The following STARD13 variants were observed in gnomAD, a reference collection of about 807,000 sequenced individuals.
The protein encoded by STARD13 is stAR-related lipid transfer protein 13.
A neutral mutation model predicts 106.4 loss-of-function variants in STARD13; 62 were observed. That is an observed-to-expected ratio of 0.58 (90% CI 0.48 to 0.72). STARD13 has a LOEUF of 0.72. Among genes scored for constraint, STARD13 ranks in the 30% least tolerant of loss-of-function variants. The pLI, the probability that STARD13 is intolerant of heterozygous loss-of-function variation, is 0.00. For missense variants in STARD13, 1,387 were observed against 1,424.0 expected (o/e 0.97, Z 0.42); for synonymous variants, 565 against 553.0 (o/e 1.02, Z -0.31).
At chr13:33,422,704 G>C in the STARD13 span, among the ~76,000 whole-genome samples, 3 of 152,152 alleles carry the variant, frequency 2.0e-5, no homozygotes, top group African/African-American at 7.2e-5. Context: ...TTACTACAAG[G>C]CTACAGTAAC....
At chr13:33,339,884 A>C (rs920633640) in intron 1 of STARD13, among the ~76,000 whole-genome samples, 24 of 152,164 alleles carry the variant, frequency 1.6e-4, no homozygotes, top group African/African-American at 5.8e-4. Context: ...CAGGAGTTCA[A>C]GACCAGCGAG....
chr13:33,222,455 TG>T (rs1440927741), intron 1 of STARD13, among the ~76,000 whole-genome samples: 1 of 146,320 alleles, frequency 6.8e-6, no homozygotes, highest in Non-Finnish European at 1.6e-5. Flanking sequence ...GCAAACTTTA[TG>T]TTATGTGTAT....
the STARD13 span, among the ~76,000 whole-genome samples, chr13:33,371,178 C>T: frequency 7.2e-5 from 11 of 152,198 alleles, no homozygotes; most frequent in Non-Finnish European, 1.3e-4. Flanking sequence ...TGTCTACTCT[C>T]ACCCTTACTA....
chr13:33,572,946 C>G, the STARD13 span, among the ~76,000 whole-genome samples: 1 of 152,080 alleles, frequency 6.6e-6, no homozygotes, highest in African/African-American at 2.4e-5. Context: ...AACCAGTTCC[C>G]CTCAGATATC....
chr13:33,131,165 G>A (rs769228375), intron 4 of STARD13, among the ~76,000 whole-genome samples: 11 of 152,188 alleles, frequency 7.2e-5, no homozygotes, highest in South Asian at 2.1e-4. Context: ...TGGGCCCAGC[G>A]CAGACCTTGA....
chr13:33,441,649 T>C, the STARD13 span, among the ~76,000 whole-genome samples: 4 of 152,246 alleles, frequency 2.6e-5, no homozygotes, highest in South Asian at 8.3e-4. Context: ...CTTACGATTA[T>C]TAACTTTTTC....
the STARD13 span, chr13:33,611,037 C>A: frequency 6.6e-6 from 1 of 152,232 alleles, no homozygotes; most frequent in Admixed American, 6.5e-5. Flanking sequence ...TTCGGTGAAA[C>A]AGCAACATCC....
intron 2 of STARD13, among the ~76,000 whole-genome samples, chr13:33,166,545 C>T (rs1037079008): frequency 8.5e-5 from 13 of 152,166 alleles, no homozygotes; most frequent in Admixed American, 8.5e-4. Context: ...CTGTTAGAAA[C>T]AAATCCTCTG....
At chr13:33,171,894 C>T (rs1884004672) in intron 1 of STARD13, among the ~76,000 whole-genome samples, 1 of 152,160 alleles carries the variant, frequency 6.6e-6, no homozygotes, top group Non-Finnish European at 1.5e-5. Context: ...TGACCACTAT[C>T]CTCAGACAGA....
chr13:33,671,681 G>T, the STARD13 span, among the ~76,000 whole-genome samples: 2 of 152,150 alleles, frequency 1.3e-5, no homozygotes, highest in East Asian at 3.8e-4. Flanking sequence ...AGTGGGCTAT[G>T]ACTGGGCCAC....
At chr13:33,138,291 T>A (rs1416690073) in intron 4 of STARD13, 1 of 152,176 alleles carries the variant, frequency 6.6e-6, no homozygotes, top group Non-Finnish European at 1.5e-5. Flanking sequence ...GGGATTTCAA[T>A]GTCATCATGG....
chr13:33,288,060 C>T (rs771976428), upstream of STARD13, among the ~76,000 whole-genome samples: 1 of 151,762 alleles, frequency 6.6e-6, no homozygotes, highest in Non-Finnish European at 1.5e-5. Context: ...ATGATTCTTC[C>T]TGAGAAGGAT....
At chr13:33,505,153 G>A in the STARD13 span, among the ~76,000 whole-genome samples, 1 of 152,158 alleles carries the variant, frequency 6.6e-6, no homozygotes, top group African/African-American at 2.4e-5. Flanking sequence ...AACATTTATT[G>A]AGTGTCCTCA....
the STARD13 span, among the ~76,000 whole-genome samples, chr13:33,466,945 T>A: frequency 2.0e-5 from 3 of 151,984 alleles, no homozygotes; most frequent in African/African-American, 7.3e-5. Context: ...TCCTGACCAG[T>A]GGTCTACATA....
At chr13:33,660,799 G>A in the STARD13 span, among the ~76,000 whole-genome samples, 2 of 152,120 alleles carry the variant, frequency 1.3e-5, no homozygotes, top group Non-Finnish European at 2.9e-5. Context: ...GCACAGGCTG[G>A]TCTTGAACTC....
chr13:33,350,112 G>C (rs566622885), intron 1 of STARD13, among the ~76,000 whole-genome samples: 1 of 152,082 alleles, frequency 6.6e-6, no homozygotes, highest in Non-Finnish European at 1.5e-5. Context: ...GAGGCGCGGC[G>C]GGAGGGCGCT....
chr13:33,354,397 C>A (rs367941993), upstream of STARD13, among the ~76,000 whole-genome samples: 80 of 152,340 alleles, frequency 5.3e-4, no homozygotes, highest in African/African-American at 1.8e-3. Flanking sequence ...CTACAAATCC[C>A]AGTGGCTGGA....
At chr13:33,194,600 A>G (rs931566754) in intron 1 of STARD13, among the ~76,000 whole-genome samples, 1 of 152,224 alleles carries the variant, frequency 6.6e-6, no homozygotes, top group African/African-American at 2.4e-5. Flanking sequence ...ACTAGATGTA[A>G]TTTGTCATGT....
the STARD13 span, among the ~76,000 whole-genome samples, chr13:33,440,501 G>C: frequency 2.6e-5 from 4 of 151,216 alleles, no homozygotes; most frequent in African/African-American, 9.7e-5. Flanking sequence ...TGAATCCCAT[G>C]CTGTCCCTGC....
Sources: allele counts gnomAD v4.1 joint callset (sites outside exome capture counted in the v4.1 genomes callset), GRCh38; gene constraint gnomAD v4.1.1; transcripts MANE v1.5; gene names NCBI Gene and HGNC (gene_info 2026-07-23, HGNC 2026-07-21).